The following TXK variants were observed in gnomAD, a reference collection of about 807,000 sequenced individuals.
TXK encodes the protein tyrosine-protein kinase TXK.
In TXK, 60 loss-of-function variants were observed where a neutral mutation model predicts 81.0. The observed-to-expected ratio is 0.74, with a 90% confidence interval of 0.60 to 0.92. The LOEUF is 0.92. Ranked by LOEUF, TXK falls within the 40% of genes least tolerant of loss-of-function variation. The pLI, the probability that TXK is intolerant of heterozygous loss-of-function variation, is 0.00. For synonymous variants in TXK, 203 were observed against 210.7 expected, an observed-to-expected ratio of 0.96 and a Z score of 0.32; for missense variants, 581 against 638.3, an observed-to-expected ratio of 0.91 and a Z score of 0.97.
rs558785908 is a variant in TXK, at chr4:48,114,976, A to G, written c.17-574T>C. ...GTACAGGTCATACCCTGCATACCCC[A>G]GACCAAAAAAATTAGACTGTCTGGG... On this transcript the variant is annotated intron_variant, in intron 1 of 14. Coordinates refer to ENST00000264316, the MANE Select transcript of TXK (RefSeq NM_003328.3). Among the ~76,000 whole-genome samples the G allele has an allele frequency of 6.0e-4, 92 of 152,196 alleles. 2 individuals are homozygous for G. In the South Asian group the frequency reaches 0.018, roughly 30 times the overall value.
chr4:48,081,586 G>C (rs1717302473), intron 10 of TXK, among the ~76,000 whole-genome samples: 1 of 152,026 alleles, frequency 6.6e-6, no homozygotes, highest in African/African-American at 2.4e-5. Flanking sequence ...CAGACCCTTT[G>C]CAGGCTTCTC....
chr4:48,131,122 C>A (rs1408997841), intron 1 of TXK, among the ~76,000 whole-genome samples: 1 of 152,088 alleles, frequency 6.6e-6, no homozygotes, highest in Non-Finnish European at 1.5e-5. Flanking sequence ...CTGGCAATAC[C>A]AAGTACGTTT....
In TXK at chr4:48,131,723, C is replaced by G. The variant is rs868576991; in HGVS notation, c.16+2432G>C. 2.0e-4 allele frequency among the ~76,000 whole-genome samples: 30 copies of G among 152,186 alleles called. 1 individual carries two copies. The highest frequency in any genetic ancestry group is 6.8e-4 in the African/African-American group (28 of 41,430). On this transcript the variant is annotated intron_variant, in intron 1 of 14. Coordinates refer to ENST00000264316, the MANE Select transcript of TXK (RefSeq NM_003328.3). Reference sequence around the variant, plus strand: ...TATTTAATCCCTTGGACAATCAAATCCTTGTCTCAACACTCACAGTGATTT... The same window carrying G: ...TATTTAATCCCTTGGACAATCAAATGCTTGTCTCAACACTCACAGTGATTT...
intron 12 of TXK, among the ~76,000 whole-genome samples, chr4:48,075,883 C>T (rs1417869399): frequency 6.6e-6 from 1 of 151,956 alleles, no homozygotes; most frequent in East Asian, 1.9e-4. Context: ...ACCCCAAATT[C>T]CCTGTGATTA....
intron 1 of TXK, among the ~76,000 whole-genome samples, chr4:48,129,440 C>T (rs539780772): frequency 3.3e-5 from 5 of 152,270 alleles, no homozygotes; most frequent in Non-Finnish European, 7.4e-5. Flanking sequence ...ACCTAGCTAA[C>T]AGGACACCAA....
chr4:48,112,226 A>G lies in TXK; in HGVS notation c.380+81T>C, dbSNP rs546765650. ...ACAGATTCCATTTCATGCAGAGGGAAGAGTTATAAGCCTGAGTCACTAAGT... is the reference window on the plus strand; with the variant it reads ...ACAGATTCCATTTCATGCAGAGGGAGGAGTTATAAGCCTGAGTCACTAAGT... On this transcript the variant is annotated intron_variant, in intron 4 of 14. Coordinates refer to ENST00000264316, the MANE Select transcript of TXK (RefSeq NM_003328.3). 9.5e-6 allele frequency: 12 copies of G among 1,256,634 alleles called. No homozygotes were observed. In the South Asian group the frequency reaches 1.5e-4, roughly 16 times the overall value. The allele number at this position is 1,256,634 out of a possible 1,614,324, so 77.8% of individuals were successfully genotyped here.
intron 10 of TXK, among the ~76,000 whole-genome samples, chr4:48,086,014 A>G (rs1717514290): frequency 6.6e-6 from 1 of 152,216 alleles, no homozygotes; most frequent in African/African-American, 2.4e-5. Context: ...CTGCAGACAG[A>G]AAAGCTAAAA....
intron 10 of TXK, among the ~76,000 whole-genome samples, chr4:48,082,553 G>GC (rs1260235626): frequency 2.0e-5 from 3 of 152,130 alleles, no homozygotes; most frequent in Non-Finnish European, 2.9e-5. Flanking sequence ...TGACTTGGAA[G>GC]CCCCCACTGA....
chr4:48,077,280 A>G (rs1222536032), intron 11 of TXK, among the ~76,000 whole-genome samples: 1 of 152,198 alleles, frequency 6.6e-6, no homozygotes, highest in East Asian at 1.9e-4. Context: ...TAGGTAGATA[A>G]ACTATTTGAT....
At chr4:48,094,389 C>A (rs1396013065) in intron 7 of TXK, among the ~76,000 whole-genome samples, 185 bp from the exon 8 acceptor site, 1 of 152,168 alleles carries the variant, frequency 6.6e-6, no homozygotes, top group Non-Finnish European at 1.5e-5. Context: ...ATTATTGGGG[C>A]CTTAGATTCA....
rs778443958 is a variant in TXK, at chr4:48,080,076, TC to T, written c.1008del (p.Lys337SerfsTer6). On this transcript the variant is annotated frameshift_variant, in exon 11 of 15. Coordinates refer to ENST00000264316, the MANE Select transcript of TXK (RefSeq NM_003328.3). LOFTEE classifies it high-confidence loss of function. ...LVQLYGVCIQ[R>X]KPLYIVTEFM... Reference sequence around the variant, plus strand: ...AACTCTGTCACAATGTAAAGGGGCTTCCGCTGTATACAGACTCCATAAAGTT... The same window carrying T: ...AACTCTGTCACAATGTAAAGGGGCTTCGCTGTATACAGACTCCATAAAGTT... The T allele has an allele frequency of 6.2e-7, 1 of 1,614,110 alleles. No individual in the cohort carries two copies. The highest frequency in any genetic ancestry group is 8.5e-7 in the Non-Finnish European group (1 of 1,180,004).
Position 48,071,659 on chromosome 4 carries a change from T to C in TXK, c.1373A>G (p.Glu458Gly). 1 of 1,614,038 alleles carries C rather than the reference T, an allele frequency of 6.2e-7. No individual in the cohort carries two copies. Among genetic ancestry groups the C allele is most frequent in the Non-Finnish European group, 8.5e-7 (1 of 1,179,964 alleles). Reference sequence around the variant, plus strand: ...AGGCATTTTTCCTTCTGTAAAAACTTCCCACATTAAAACTCCTGCAAACAA... The same window carrying C: ...AGGCATTTTTCCTTCTGTAAAAACTCCCCACATTAAAACTCCTGCAAACAA... The part of the protein sequence containing the change: ...DVWSFGVLMW[E>G]VFTEGKMPFE... The change falls in exon 14 of 15, where the codon GAA (glutamate) becomes GGA (glycine). Residue 458 changes from glutamate (E) to glycine (G), a missense_variant. By Grantham distance (98) the Glu-to-Gly change is moderately conservative. Coordinates refer to ENST00000264316, the MANE Select transcript of TXK (RefSeq NM_003328.3).
chr4:48,120,532 C>T (rs552762100), intron 1 of TXK, among the ~76,000 whole-genome samples: 3 of 151,246 alleles, frequency 2.0e-5, no homozygotes, highest in Non-Finnish European at 2.9e-5. Flanking sequence ...GCTCTGTCGC[C>T]GAGACTGGAG....
At chr4:48,115,358 T>C (rs1718773829) in intron 1 of TXK, among the ~76,000 whole-genome samples, 1 of 152,196 alleles carries the variant, frequency 6.6e-6, no homozygotes, top group Non-Finnish European at 1.5e-5. Context: ...GCTTCATCCA[T>C]GTCCCTGCAA....
chr4:48,101,143 T>C (rs1441394553), intron 6 of TXK, among the ~76,000 whole-genome samples: 3 of 152,202 alleles, frequency 2.0e-5, no homozygotes, highest in South Asian at 2.1e-4. Flanking sequence ...ATACTCACTA[T>C]TGAAATATGA....
At chr4:48,086,101 T>TCGC (rs1231985840) in intron 10 of TXK, among the ~76,000 whole-genome samples, 1 of 152,170 alleles carries the variant, frequency 6.6e-6, no homozygotes, top group East Asian at 1.9e-4. Context: ...TGCATGCTCC[T>TCGC]CCTCCCGTAA....
chr4:48,134,196 C>T lies in TXK; in HGVS notation c.-26G>A, dbSNP rs2109493334. The T allele has an allele frequency of 6.2e-7, 1 of 1,612,748 alleles. No individual in the cohort carries two copies. The highest frequency in any genetic ancestry group is 8.5e-7 in the Non-Finnish European group (1 of 1,179,448). On this transcript the variant is annotated 5_prime_UTR_variant, in exon 1 of 15. It adds an upstream start codon to the 5' untranslated region. Coordinates refer to ENST00000264316, the MANE Select transcript of TXK (RefSeq NM_003328.3). Reference sequence around the variant, plus strand: ...GGTAGCCCCTTCTGCGGGGAGCACACAACAGTCTTCAGTTCTTCTGCGGTG... The same window carrying T: ...GGTAGCCCCTTCTGCGGGGAGCACATAACAGTCTTCAGTTCTTCTGCGGTG...
intron 1 of TXK, among the ~76,000 whole-genome samples, chr4:48,131,894 G>A (rs1719255229): frequency 6.6e-6 from 1 of 152,146 alleles, no homozygotes; most frequent in Non-Finnish European, 1.5e-5. Context: ...TGCCAGTGGA[G>A]GTGGCAGGGG....
chr4:48,079,078 T>C (rs1458074696), intron 11 of TXK, among the ~76,000 whole-genome samples: 1 of 152,220 alleles, frequency 6.6e-6, no homozygotes, highest in Non-Finnish European at 1.5e-5. Flanking sequence ...TTTGCAAAAT[T>C]ATGACTGAGA....
Sources: allele counts gnomAD v4.1 joint callset (sites outside exome capture counted in the v4.1 genomes callset), GRCh38; gene constraint gnomAD v4.1.1; transcripts MANE v1.5; gene names NCBI Gene and HGNC (gene_info 2026-07-23, HGNC 2026-07-21).